ST6GALNAC5: variants seen among roughly 807,000 people sequenced by gnomAD.
ST6GALNAC5 encodes the protein alpha-N-acetylgalactosaminide alpha-2,6-sialyltransferase 5.
ST6GALNAC5 carries 27 observed loss-of-function variants against 33.6 expected under a neutral mutation model. The observed-to-expected ratio is 0.80, with a 90% CI of 0.59 to 1.11. The LOEUF is 1.11. ST6GALNAC5 is among the 50% of genes least tolerant of loss of function. The pLI is 0.00. For synonymous variants in ST6GALNAC5, 194 were observed against 171.2 expected (o/e 1.13, Z -1.04); for missense variants, 428 against 454.0 (o/e 0.94, Z 0.52).
chr1:77,042,208 C>G (rs1415688206), intron 2 of ST6GALNAC5, among the ~76,000 whole-genome samples: 3 of 152,238 alleles, frequency 2.0e-5, no homozygotes, highest in African/African-American at 4.8e-5. Context: ...GTGCCTAACA[C>G]AGTTGTGGCT....
At chr1:77,054,019 C>T (rs1652311721) in intron 4 of ST6GALNAC5, among the ~76,000 whole-genome samples, 1 of 152,162 alleles carries the variant, frequency 6.6e-6, no homozygotes, top group South Asian at 2.1e-4. Flanking sequence ...GACCATAAGA[C>T]AAAATTAGTA....
chr1:76,953,298 T>C (rs1238110464), intron 2 of ST6GALNAC5, among the ~76,000 whole-genome samples: 2 of 152,162 alleles, frequency 1.3e-5, no homozygotes, highest in Admixed American at 1.3e-4. Flanking sequence ...CCCACCATCA[T>C]GTATGAGAGA....
intron 2 of ST6GALNAC5, among the ~76,000 whole-genome samples, chr1:76,892,638 G>A (rs1169311743): frequency 2.0e-5 from 3 of 152,110 alleles, no homozygotes; most frequent in Non-Finnish European, 4.4e-5. Flanking sequence ...AAGACTCTTC[G>A]ACAATGCCAC....
At chr1:76,988,431 G>T (rs185392933) in intron 2 of ST6GALNAC5, among the ~76,000 whole-genome samples, 2,382 of 151,918 alleles carry the variant, frequency 0.016, 20 homozygotes, top group Middle Eastern at 0.041. Context: ...TATTATATTA[G>T]TTATCTTTAT....
At chr1:77,006,457 G>T (rs1199934540) in intron 2 of ST6GALNAC5, among the ~76,000 whole-genome samples, 1 of 151,422 alleles carries the variant, frequency 6.6e-6, no homozygotes, top group Non-Finnish European at 1.5e-5. Flanking sequence ...GAGATTACAG[G>T]CGCCAGCCAC....
At position 76,868,422 on chromosome 1, in the gene ST6GALNAC5, GT is replaced by G. The variant is rs1487122371; in HGVS notation, c.16-73del. On this transcript the variant is annotated intron_variant, in intron 1 of 4. Transcript: ENST00000477717. The surrounding 1 kb of genome is among the most constrained non-coding windows in gnomAD (Gnocchi z 4.3). ...CCCCCACTAGAGTGACCACCGCACA[GT>G]TGTCCCCGCTGGGCGCGCTCCTCCG... 2 of 1,532,296 alleles carry G rather than the reference GT, an allele frequency of 1.3e-6. No homozygotes were observed. The highest frequency in any genetic ancestry group is 2.6e-5 in the South Asian group (2 of 78,116). 94.9% of individuals were successfully genotyped at this position (1,532,296 alleles called of 1,614,324 possible).
In ST6GALNAC5 at chr1:77,065,627, A is replaced by G. The variant is rs1652748337; in HGVS notation, c.*2421A>G. 6.6e-6 allele frequency: 1 copy of G among 152,222 alleles called. No homozygotes were observed. The highest frequency in any genetic ancestry group is 1.9e-4 in the East Asian group (1 of 5,202). 9.4% of individuals were successfully genotyped at this position (152,222 alleles called of 1,614,324 possible). A position where few individuals can be genotyped will look rare whatever the true frequency, so the allele number is the denominator to read the frequency against. On this transcript the variant is annotated 3_prime_UTR_variant, in exon 5 of 5. Coordinates refer to ENST00000477717, the MANE Select transcript of ST6GALNAC5 (RefSeq NM_030965.3). Reference sequence around the variant, plus strand: ...GTGCTGATGAACCTGGTTGTGGGCAATTGAATTCTTGTCTTCCCACTACCA... The same window carrying G: ...GTGCTGATGAACCTGGTTGTGGGCAGTTGAATTCTTGTCTTCCCACTACCA...
chr1:76,929,947 C>A (rs867556864), intron 2 of ST6GALNAC5, among the ~76,000 whole-genome samples: 3 of 151,726 alleles, frequency 2.0e-5, no homozygotes, highest in African/African-American at 7.3e-5. Context: ...CTCATCTCTA[C>A]AAAAAAATAA....
Position 77,065,681 on chromosome 1 carries a change from A to AAC in ST6GALNAC5, c.*2478_*2479dup, listed in dbSNP as rs1652750176. ...CATGACTGTCGTCTGAACACTATTC[A>AAC]ACACCATTAAATATAAACTCTGATA... On this transcript the variant is annotated 3_prime_UTR_variant, in exon 5 of 5. Coordinates refer to ENST00000477717, the MANE Select transcript of ST6GALNAC5 (RefSeq NM_030965.3). 1 of 152,194 alleles carries AAC rather than the reference A, an allele frequency of 6.6e-6. No individual in the cohort carries two copies. Among genetic ancestry groups the AAC allele is most frequent in the Non-Finnish European group, 1.5e-5 (1 of 68,034 alleles). The allele number at this position is 152,194 out of a possible 1,614,324, so 9.4% of individuals were successfully genotyped here. A position where few individuals can be genotyped will look rare whatever the true frequency, so the allele number is the denominator to read the frequency against.
intron 2 of ST6GALNAC5, among the ~76,000 whole-genome samples, chr1:76,981,718 G>A (rs1287643864): frequency 1.3e-5 from 2 of 152,116 alleles, no homozygotes; most frequent in Non-Finnish European, 2.9e-5. Context: ...AGCCTAACTG[G>A]GAGACACCTC....
intron 2 of ST6GALNAC5, among the ~76,000 whole-genome samples, chr1:76,904,568 G>A (rs953979213): frequency 2.6e-5 from 4 of 152,192 alleles, no homozygotes; most frequent in African/African-American, 9.7e-5. Context: ...CCTCAGGCTT[G>A]TAATTCAGCA....
intron 2 of ST6GALNAC5, among the ~76,000 whole-genome samples, chr1:77,014,904 A>G (rs888192768): frequency 6.6e-6 from 1 of 152,202 alleles, no homozygotes; most frequent in Admixed American, 6.5e-5. Context: ...TAGCAGAGAA[A>G]ACTAAGGTTT....
intron 2 of ST6GALNAC5, among the ~76,000 whole-genome samples, chr1:76,961,769 A>G (rs1648250125): frequency 6.6e-6 from 1 of 152,178 alleles, no homozygotes; most frequent in Non-Finnish European, 1.5e-5. Context: ...CCCCTGTTAA[A>G]CACACATTCT....
In ST6GALNAC5 at chr1:77,015,400, C is replaced by A. The variant is rs187456546; in HGVS notation, c.262-28804C>A. On this transcript the variant is annotated intron_variant, in intron 2 of 4. Coordinates refer to ENST00000477717, the MANE Select transcript of ST6GALNAC5 (RefSeq NM_030965.3). The stretch of plus-strand genomic sequence containing the variant: ...CCAGCTACTTTACTGAGTCCACCAA[C>A]TCAAATGCTAGTCTCATCCAGAAAC... 3.9e-5 allele frequency among the ~76,000 whole-genome samples: 6 copies of A among 152,272 alleles called. No homozygotes were observed. In the East Asian group the frequency reaches 1.2e-3, roughly 29 times the overall value.
chr1:76,892,890 A>T (rs1022253141), intron 2 of ST6GALNAC5, among the ~76,000 whole-genome samples: 1 of 152,184 alleles, frequency 6.6e-6, no homozygotes, highest in Non-Finnish European at 1.5e-5. Flanking sequence ...GCAACTGAGT[A>T]GCCAGGGCCT....
intron 2 of ST6GALNAC5, among the ~76,000 whole-genome samples, chr1:76,937,897 T>C (rs149302510): frequency 6.6e-6 from 1 of 152,210 alleles, no homozygotes; most frequent in Non-Finnish European, 1.5e-5. Context: ...CACCACACTC[T>C]ATTGTCTTAC....
At chr1:76,920,892 C>T (rs1377686618) in intron 2 of ST6GALNAC5, among the ~76,000 whole-genome samples, 1 of 152,102 alleles carries the variant, frequency 6.6e-6, no homozygotes, top group African/African-American at 2.4e-5. Flanking sequence ...GAATAGAGAG[C>T]TCAAGGTGGG....
At chr1:76,889,657 C>A (rs1050143496) in intron 2 of ST6GALNAC5, among the ~76,000 whole-genome samples, 5 of 152,020 alleles carry the variant, frequency 3.3e-5, no homozygotes, top group Admixed American at 2.6e-4. Context: ...ATTGTCTCCC[C>A]TTAATCTGTT....
intron 2 of ST6GALNAC5, among the ~76,000 whole-genome samples, chr1:77,041,575 A>G (rs1651832536): frequency 2.0e-5 from 3 of 152,172 alleles, no homozygotes; most frequent in Admixed American, 2.0e-4. Flanking sequence ...AAGGAAAGTT[A>G]AGCATTTCCT....
Sources: allele counts gnomAD v4.1 joint callset (sites outside exome capture counted in the v4.1 genomes callset), GRCh38; gene constraint gnomAD v4.1.1; non-coding constraint Gnocchi (gnomAD v3.1); transcripts MANE v1.5; gene names NCBI Gene and HGNC (gene_info 2026-07-23, HGNC 2026-07-21).